Variants in GRK5 observed in about 807,000 individuals in gnomAD.
The protein encoded by GRK5 is g protein-coupled receptor kinase GRK5.
A neutral mutation model predicts 78.4 loss-of-function variants in GRK5; 40 were observed. The observed-to-expected ratio is 0.51, with a 90% CI of 0.40 to 0.66. GRK5 has a LOEUF of 0.66. Among genes scored for constraint, GRK5 ranks in the 30% least tolerant of loss-of-function variants. GRK5 has a pLI of 0.00. For synonymous variants in GRK5, 289 were observed against 296.8 expected (o/e 0.97, Z 0.27); for missense variants, 598 against 759.9 (o/e 0.79, Z 2.50).
intron 1 of GRK5, among the ~76,000 whole-genome samples, chr10:119,273,929 A>C (rs570650749): frequency 2.7e-4 from 41 of 152,226 alleles, no homozygotes; most frequent in South Asian, 1.0e-3. Flanking sequence ...ACATGCCACC[A>C]CACCTGGCTA....
Position 119,455,375 on chromosome 10 carries a change from G to T in GRK5, c.*308G>T. On this transcript the variant is annotated 3_prime_UTR_variant, in exon 16 of 16. Transcript: ENST00000392870. Reference sequence around the variant, plus strand: ...AGCGTCATAACTAGAACTGAATTTTGTCTTTATGATTTTTAAAGAAAAGTT... The same window carrying T: ...AGCGTCATAACTAGAACTGAATTTTTTCTTTATGATTTTTAAAGAAAAGTT... 1.9e-6 allele frequency: 1 copy of T among 539,680 alleles called. No homozygotes were observed. Among genetic ancestry groups the T allele is most frequent in the South Asian group, 1.7e-5 (1 of 58,306 alleles). The allele number at this position is 539,680 out of a possible 1,614,324, so 33.4% of individuals were successfully genotyped here. A position where few individuals can be genotyped will look rare whatever the true frequency, so the allele number is the denominator to read the frequency against.
chr10:119,388,915 C>A (rs1023911697), intron 3 of GRK5, among the ~76,000 whole-genome samples: 1 of 152,188 alleles, frequency 6.6e-6, no homozygotes, highest in African/African-American at 2.4e-5. Flanking sequence ...AGTGTCCTCA[C>A]AACATGGCTG....
Position 119,458,483 on chromosome 10 carries a change from G to C in GRK5, c.*3416G>C, listed in dbSNP as rs1211952256. 6.6e-6 allele frequency: 1 copy of C among 152,292 alleles called. No homozygotes were observed. The highest frequency in any genetic ancestry group is 2.4e-5 in the African/African-American group (1 of 41,448). The allele number at this position is 152,292 out of a possible 1,614,324, so 9.4% of individuals were successfully genotyped here. A position where few individuals can be genotyped will look rare whatever the true frequency, so the allele number is the denominator to read the frequency against. On this transcript the variant is annotated 3_prime_UTR_variant, in exon 16 of 16. Transcript: ENST00000392870. ...CTGCTGCTGTGGCCTGCGCAGCCAC[G>C]GGAGGCTTCCTGAAAGGCATTGCTC...
At chr10:119,261,068 CT>C (rs1483865411) in intron 1 of GRK5, among the ~76,000 whole-genome samples, 165 of 15,332 alleles carry the variant, frequency 0.011, 2 homozygotes, top group Non-Finnish European at 0.02. Context: ...GACGGGGCGG[CT>C]GGCCGGGCGG....
chr10:119,385,679 C>G (rs1851782162), intron 3 of GRK5, among the ~76,000 whole-genome samples: 1 of 152,064 alleles, frequency 6.6e-6, no homozygotes, highest in Admixed American at 6.6e-5. Flanking sequence ...AAAGTTTTGA[C>G]CTGAACAAAT....
At chr10:119,250,693 T>G (rs1849185223) in intron 1 of GRK5, among the ~76,000 whole-genome samples, 1 of 152,106 alleles carries the variant, frequency 6.6e-6, no homozygotes, top group Non-Finnish European at 1.5e-5. Flanking sequence ...AGTCAGCACC[T>G]TGATGACTGG....
chr10:119,453,936 G>A (rs987358003), intron 15 of GRK5, among the ~76,000 whole-genome samples: 7 of 152,018 alleles, frequency 4.6e-5, no homozygotes, highest in Non-Finnish European at 8.8e-5. Context: ...TGGAGGAAAT[G>A]CGGGGGAAGG....
At chr10:119,313,059 A>ATGGTGGTGGTGATGGTGG (rs1418355373) in intron 1 of GRK5, among the ~76,000 whole-genome samples, 14 of 13,822 alleles carry the variant, frequency 1.0e-3, no homozygotes, top group East Asian at 2.3e-3. Flanking sequence ...GGTAATGATG[A>ATGGTGGTGGTGATGGTGG]TGGTGGTGGT....
chr10:119,376,131 A>AT (rs1013233833), intron 2 of GRK5, among the ~76,000 whole-genome samples: 4 of 152,176 alleles, frequency 2.6e-5, no homozygotes, highest in African/African-American at 9.6e-5. Flanking sequence ...TCCTGTGTGC[A>AT]TAAGTAGGCC....
intron 1 of GRK5, among the ~76,000 whole-genome samples, chr10:119,249,171 T>C (rs1461606792): frequency 6.6e-6 from 1 of 151,692 alleles, no homozygotes; most frequent in Non-Finnish European, 1.5e-5. Context: ...CTCAGGAGGC[T>C]GAGACAGGAG....
Position 119,315,014 on chromosome 10 carries a change from C to G in GRK5, c.53-11502C>G, listed in dbSNP as rs541164654. 1.9e-4 allele frequency among the ~76,000 whole-genome samples: 29 copies of G among 152,348 alleles called. No individual in the cohort carries two copies. The South Asian group carries it at 5.8e-3, about 30-fold the overall frequency. On this transcript the variant is annotated intron_variant, in intron 1 of 15. Coordinates refer to ENST00000392870, the MANE Select transcript of GRK5 (RefSeq NM_005308.3). ...CCATCCCTTCCCTGCCTTGCCCACTCAGTGGGCTCCCCATCGTCTGTCTCA... is the reference window on the plus strand; with the variant it reads ...CCATCCCTTCCCTGCCTTGCCCACTGAGTGGGCTCCCCATCGTCTGTCTCA...
intron 4 of GRK5, among the ~76,000 whole-genome samples, chr10:119,409,669 C>T (rs1852301390): frequency 6.6e-6 from 1 of 152,140 alleles, no homozygotes; most frequent in African/African-American, 2.4e-5. Flanking sequence ...AGGTGAGGGG[C>T]AGGTTCTCTT....
chr10:119,228,214 G>A (rs946693475), intron 1 of GRK5, among the ~76,000 whole-genome samples: 1 of 152,042 alleles, frequency 6.6e-6, no homozygotes, highest in Non-Finnish European at 1.5e-5. Flanking sequence ...GCATGGTGGT[G>A]TGCGCCTGAA....
At chr10:119,305,380 C>G (rs115780780) in intron 1 of GRK5, among the ~76,000 whole-genome samples, 1 of 152,180 alleles carries the variant, frequency 6.6e-6, no homozygotes, top group Non-Finnish European at 1.5e-5. Flanking sequence ...AGCATTCACT[C>G]GTTCACAGAC....
At position 119,302,679 on chromosome 10, in the gene GRK5, C is replaced by A. The variant is rs373678959; in HGVS notation, c.53-23837C>A. 9.2e-5 allele frequency among the ~76,000 whole-genome samples: 14 copies of A among 152,260 alleles called. No homozygotes were observed. In the East Asian group the frequency reaches 1.5e-3, roughly 17 times the overall value. ...CTGGTGGTTTCAAACCAGACTTAAT[C>A]AAAATGTAAATACTTCTTGGGGCCA... On this transcript the variant is annotated intron_variant, in intron 1 of 15. Transcript: ENST00000392870.
intron 2 of GRK5, among the ~76,000 whole-genome samples, chr10:119,368,196 C>T (rs1267366672): frequency 6.6e-6 from 1 of 152,242 alleles, no homozygotes; most frequent in African/African-American, 2.4e-5. Context: ...GTGAAGTCAA[C>T]CTGAAATGCA....
chr10:119,403,035 T>C (rs1223394573), intron 4 of GRK5, among the ~76,000 whole-genome samples: 1 of 152,226 alleles, frequency 6.6e-6, no homozygotes, highest in African/African-American at 2.4e-5. Context: ...GAAACTGTTG[T>C]ACCTGTTAGC....
chr10:119,300,378 A>C (rs1212341478), intron 1 of GRK5, among the ~76,000 whole-genome samples: 1 of 152,230 alleles, frequency 6.6e-6, no homozygotes, highest in Non-Finnish European at 1.5e-5. Context: ...CAACACTGCT[A>C]TCCATTGCTC....
At chr10:119,403,259 C>T (rs1264949006) in intron 4 of GRK5, among the ~76,000 whole-genome samples, 7 of 151,954 alleles carry the variant, frequency 4.6e-5, no homozygotes, top group East Asian at 1.9e-4. Flanking sequence ...CTCCGCCTCC[C>T]GGGTTCACGC....
Sources: gnomAD v4.1 joint callset for allele counts (sites outside exome capture counted in the v4.1 genomes callset) on GRCh38, gnomAD v4.1.1 for gene constraint, MANE v1.5 for transcripts, NCBI Gene and HGNC (gene_info 2026-07-23, HGNC 2026-07-21) for gene names.